GM2A: variants seen among roughly 807,000 people sequenced by gnomAD.
The protein encoded by GM2A is GM2 ganglioside activator.
GM2A carries 7 observed loss-of-function variants against 12.9 expected under a neutral mutation model. That is an observed-to-expected ratio of 0.54 (90% CI 0.31 to 1.02). GM2A has a LOEUF of 1.02. GM2A is among the 50% of genes least tolerant of loss of function. The pLI is 0.05. For missense variants in GM2A, 246 were observed against 241.0 expected, an observed-to-expected ratio of 1.02 and a Z score of -0.14; for synonymous variants, 101 against 96.0, an observed-to-expected ratio of 1.05 and a Z score of -0.30.
In GM2A at chr5:151,268,560, T is replaced by C. The variant is rs1753942823; in HGVS notation, c.*1109T>C. On this transcript the variant is annotated 3_prime_UTR_variant, in exon 4 of 4. Coordinates refer to ENST00000357164, the MANE Select transcript of GM2A (RefSeq NM_000405.5). ...AAGGCTGCTGAGGCCTGGTCTCCAG[T>C]TGGAAATATAATTAAGGGTGGCAAG... 2.0e-6 allele frequency: 2 copies of C among 984,828 alleles called. No homozygotes were observed. Among genetic ancestry groups the C allele is most frequent in the East Asian group, 2.3e-4 (2 of 8,798 alleles). 61.0% of individuals were successfully genotyped at this position (984,828 alleles called of 1,614,324 possible). A position where few individuals can be genotyped will look rare whatever the true frequency, so the allele number is the denominator to read the frequency against.
In GM2A at chr5:151,253,305, C is replaced by T; in HGVS notation, c.81+8C>T. ...CAAGCCCACCTGAAAAAGGTGAGTG[C>T]ACCCTCTTTTAAGAGTCTGTTTGCA... On this transcript the variant is annotated splice_region_variant and intron_variant, in intron 1 of 3. Coordinates refer to ENST00000357164, the MANE Select transcript of GM2A (RefSeq NM_000405.5). 1.2e-6 allele frequency: 2 copies of T among 1,604,262 alleles called. No homozygotes were observed. The highest frequency in any genetic ancestry group is 1.7e-6 in the Non-Finnish European group (2 of 1,171,374).
At chr5:151,263,440 C>T (rs1295596639) in intron 2 of GM2A, among the ~76,000 whole-genome samples, 1 of 151,954 alleles carries the variant, frequency 6.6e-6, no homozygotes, top group Non-Finnish European at 1.5e-5. Context: ...AGGATATGTG[C>T]ATATCAACTA....
In GM2A at chr5:151,267,541, G is replaced by C; in HGVS notation, c.*90G>C. ...TGCCAAGGCCAAACTCCCACTCTCTGCCCCCCTTTAATCCCCTTTCTACAG... is the reference window on the plus strand; with the variant it reads ...TGCCAAGGCCAAACTCCCACTCTCTCCCCCCCTTTAATCCCCTTTCTACAG... On this transcript the variant is annotated 3_prime_UTR_variant, in exon 4 of 4. Coordinates refer to ENST00000357164, the MANE Select transcript of GM2A (RefSeq NM_000405.5). 1.3e-6 allele frequency: 2 copies of C among 1,587,664 alleles called. No homozygotes were observed. The highest frequency in any genetic ancestry group is 1.7e-6 in the Non-Finnish European group (2 of 1,168,246).
rs1443349059 is a variant in GM2A at position 151,267,658 on chromosome 5, A to G, written c.*207A>G. The G allele has an allele frequency of 6.7e-7, 1 of 1,501,966 alleles. No homozygotes were observed. The highest frequency in any genetic ancestry group is 8.9e-7 in the Non-Finnish European group (1 of 1,125,220). The allele number at this position is 1,501,966 out of a possible 1,614,324, so 93.0% of individuals were successfully genotyped here. A position where few individuals can be genotyped will look rare whatever the true frequency, so the allele number is the denominator to read the frequency against. ...TGACCTAAGGGAGAATGAGTTGGACAGTTCTTGATAGCCCAGGGCATCTGC... is the reference window on the plus strand; with the variant it reads ...TGACCTAAGGGAGAATGAGTTGGACGGTTCTTGATAGCCCAGGGCATCTGC... On this transcript the variant is annotated 3_prime_UTR_variant, in exon 4 of 4. Transcript: ENST00000357164.
At chr5:151,259,639 C>T (rs1054356748) in intron 1 of GM2A, 116 bp from the exon 2 acceptor site, 34 of 842,606 alleles carry the variant, frequency 4.0e-5, no homozygotes, top group Non-Finnish European at 4.6e-5. Flanking sequence ...GGCTCAGGGA[C>T]GGGGGTGCCT....
At position 151,268,577 on chromosome 5, in the gene GM2A, G is replaced by A; in HGVS notation, c.*1126G>A. 1 of 982,556 alleles carries A rather than the reference G, an allele frequency of 1.0e-6. No individual in the cohort carries two copies. The highest frequency in any genetic ancestry group is 1.7e-5 in the African/African-American group (1 of 57,274). The allele number at this position is 982,556 out of a possible 1,614,324, so 60.9% of individuals were successfully genotyped here. On this transcript the variant is annotated 3_prime_UTR_variant, in exon 4 of 4. Transcript: ENST00000357164. ...GTCTCCAGTTGGAAATATAATTAAG[G>A]GTGGCAAGGACTGGAGTCAGTTGGA...
intron 2 of GM2A, among the ~76,000 whole-genome samples, chr5:151,264,945 A>G (rs919229814): frequency 1.3e-5 from 2 of 151,662 alleles, no homozygotes; most frequent in South Asian, 2.1e-4. Context: ...TCACACCACT[A>G]TACTCCAGCC....
Position 151,269,087 on chromosome 5 carries a change from C to T in GM2A, c.*1636C>T. ...GCCTCACCAGCAGCTGCTTTTGGAG[C>T]AGGGGTCCAAGGAAGAGAGGGTGGC... On this transcript the variant is annotated 3_prime_UTR_variant, in exon 4 of 4. Transcript: ENST00000357164. 1.0e-6 allele frequency: 1 copy of T among 985,462 alleles called. No individual in the cohort carries two copies. The highest frequency in any genetic ancestry group is 1.2e-6 in the Non-Finnish European group (1 of 829,940). 61.0% of individuals were successfully genotyped at this position (985,462 alleles called of 1,614,324 possible). A position where few individuals can be genotyped will look rare whatever the true frequency, so the allele number is the denominator to read the frequency against.
chr5:151,259,717 TTTC>T (rs756108911), intron 1 of GM2A, 35 bp from the exon 2 acceptor site: 2 of 1,603,536 alleles, frequency 1.2e-6, no homozygotes, highest in Admixed American at 1.7e-5. Context: ...TGTCAACCTT[TTTC>T]TTCTTCTCCT....
intron 2 of GM2A, 45 bp from the exon 3 acceptor site, chr5:151,266,686 C>T (rs754742367): frequency 4.1e-6 from 6 of 1,460,212 alleles, no homozygotes; most frequent in African/African-American, 2.8e-5. Context: ...CTGGAATTTA[C>T]ACTTATAACC....
At chr5:151,261,278 G>C (rs1753793811) in intron 2 of GM2A, among the ~76,000 whole-genome samples, 1 of 152,176 alleles carries the variant, frequency 6.6e-6, no homozygotes, top group Non-Finnish European at 1.5e-5. Context: ...TCCTGCCTCA[G>C]ACTCTCAAAA....
At chr5:151,256,469 GT>G (rs1753687647) in intron 1 of GM2A, among the ~76,000 whole-genome samples, 1 of 152,028 alleles carries the variant, frequency 6.6e-6, no homozygotes, top group Non-Finnish European at 1.5e-5. Flanking sequence ...GCCAGGCATG[GT>G]GGCGTACACC....
chr5:151,269,433 C>T lies in GM2A; in HGVS notation c.*1982C>T. On this transcript the variant is annotated 3_prime_UTR_variant, in exon 4 of 4. Coordinates refer to ENST00000357164, the MANE Select transcript of GM2A (RefSeq NM_000405.5). Reference sequence around the variant, plus strand: ...GTCTCTGCTTCATCGCCATCCAGCTCCCTTGTTTGCTATTTTGCTTTCCAT... The same window carrying T: ...GTCTCTGCTTCATCGCCATCCAGCTTCCTTGTTTGCTATTTTGCTTTCCAT... 1.0e-6 allele frequency: 1 copy of T among 985,342 alleles called. No individual in the cohort carries two copies. The highest frequency in any genetic ancestry group is 1.2e-6 in the Non-Finnish European group (1 of 829,944). The allele number at this position is 985,342 out of a possible 1,614,324, so 61.0% of individuals were successfully genotyped here.
chr5:151,257,001 A>G (rs1252344873), intron 1 of GM2A, among the ~76,000 whole-genome samples: 1 of 152,184 alleles, frequency 6.6e-6, no homozygotes, highest in Non-Finnish European at 1.5e-5. Context: ...AGATATCATT[A>G]TGTCCACATA....
chr5:151,267,694 A>ACGTTACTCAT lies in GM2A; in HGVS notation c.*245_*254dup, dbSNP rs1753921320. On this transcript the variant is annotated 3_prime_UTR_variant, in exon 4 of 4. Coordinates refer to ENST00000357164, the MANE Select transcript of GM2A (RefSeq NM_000405.5). ...GCCCAGGGCATCTGCTGGGCTGACC[A>ACGTTACTCAT]CGTTACTCATCCCCGTTAACATTCT... The ACGTTACTCAT allele has an allele frequency of 1.9e-5, 27 of 1,443,508 alleles. 1 individual carries two copies. The South Asian group carries it at 3.4e-4, about 18-fold the overall frequency. The allele number at this position is 1,443,508 out of a possible 1,614,324, so 89.4% of individuals were successfully genotyped here. A position where few individuals can be genotyped will look rare whatever the true frequency, so the allele number is the denominator to read the frequency against.
At chr5:151,264,051 C>A (rs1043573779) in intron 2 of GM2A, among the ~76,000 whole-genome samples, 1 of 152,178 alleles carries the variant, frequency 6.6e-6, no homozygotes, top group Admixed American at 6.5e-5. Context: ...ATGCCCAGCC[C>A]TCCCTCAAGT....
chr5:151,259,953 G>T, intron 2 of GM2A, 37 bp downstream of exon 2: 1 of 1,577,032 alleles, frequency 6.3e-7, no homozygotes, highest in Non-Finnish European at 8.7e-7. Context: ...GGAGGTGCGA[G>T]GGTCTGGCCA....
rs1159054355 is a variant in GM2A, at chr5:151,267,878, G to A, written c.*427G>A. 41 of 1,149,666 alleles carry A rather than the reference G, an allele frequency of 3.6e-5. No individual in the cohort carries two copies. The highest frequency in any genetic ancestry group is 3.2e-4 in the South Asian group (17 of 53,166). 71.2% of individuals were successfully genotyped at this position (1,149,666 alleles called of 1,614,324 possible). A position where few individuals can be genotyped will look rare whatever the true frequency, so the allele number is the denominator to read the frequency against. ...AGTATTAACGTTTTTGTTCTCCTCC[G>A]GCCCCCTGTTACAATGAAGGGGCAA... is the stretch of plus-strand genomic sequence containing the variant. On this transcript the variant is annotated 3_prime_UTR_variant, in exon 4 of 4. Coordinates refer to ENST00000357164, the MANE Select transcript of GM2A (RefSeq NM_000405.5).
intron 2 of GM2A, among the ~76,000 whole-genome samples, chr5:151,260,783 G>T (rs1051360166): frequency 6.6e-6 from 1 of 152,126 alleles, no homozygotes; most frequent in Non-Finnish European, 1.5e-5. Flanking sequence ...AATAGGCAGT[G>T]CTCATTGTAA....
Sources: allele counts gnomAD v4.1 joint callset (sites outside exome capture counted in the v4.1 genomes callset), GRCh38; gene constraint gnomAD v4.1.1; transcripts MANE v1.5; gene names NCBI Gene and HGNC (gene_info 2026-07-23, HGNC 2026-07-21).